CFAP46: variants seen among roughly 807,000 people sequenced by gnomAD.
The protein encoded by CFAP46 is cilia- and flagella-associated protein 46.
Under a neutral mutation model 325.7 loss-of-function variants are expected in CFAP46, and 245 were observed. The observed-to-expected ratio is 0.75, with a 90% confidence interval of 0.68 to 0.84. CFAP46 has a LOEUF of 0.84. Among genes scored for constraint, CFAP46 ranks in the 40% least tolerant of loss-of-function variants. CFAP46 has a pLI of 0.00. For missense variants in CFAP46, 3,346 were observed against 3,543.0 expected, an observed-to-expected ratio of 0.94 and a Z score of 1.41; for synonymous variants, 1,523 against 1,495.9, an observed-to-expected ratio of 1.02 and a Z score of -0.42.
intron 19 of CFAP46, 124 bp downstream of exon 19, chr10:132,912,531 C>G: frequency 1.3e-6 from 1 of 771,352 alleles, no homozygotes. Flanking sequence ...CTCTTCACCT[C>G]TCTCCTCTCC....
chr10:132,856,988 G>A (rs933091340), intron 39 of CFAP46, among the ~76,000 whole-genome samples: 4 of 152,138 alleles, frequency 2.6e-5, no homozygotes, highest in Admixed American at 2.6e-4. Flanking sequence ...TCTGGAGCGG[G>A]GCTCACCCAG....
chr10:132,887,696 C>T (rs1849177181), intron 25 of CFAP46, among the ~76,000 whole-genome samples: 1 of 125,200 alleles, frequency 8.0e-6, no homozygotes, highest in African/African-American at 3.3e-5. Context: ...TCTCTCTCTC[C>T]TCTCCTCTCT....
At position 132,886,003 on chromosome 10, in the gene CFAP46, T is replaced by A. The variant is rs1279488405; in HGVS notation, c.3305-44A>T. On this transcript the variant is annotated intron_variant, in intron 25 of 57. Transcript: ENST00000368586. The surrounding 1 kb of genome is among the most constrained non-coding windows in gnomAD (Gnocchi z 5.8). ...GGTGTCCTTGGAGCCGCCTGATCCC[T>A]CATCAAAGGCGCCCTCGGACCTCCC... 1 of 1,540,642 alleles carries A rather than the reference T, an allele frequency of 6.5e-7. No homozygotes were observed. Among genetic ancestry groups the A allele is most frequent in the East Asian group, 2.5e-5 (1 of 40,574 alleles).
intron 31 of CFAP46, among the ~76,000 whole-genome samples, chr10:132,873,314 T>G (rs552438859): frequency 1.1e-4 from 16 of 152,314 alleles, no homozygotes; most frequent in South Asian, 4.1e-4. Context: ...AATGTACTTC[T>G]AAGAACTGGA....
chr10:132,892,201 A>T, intron 25 of CFAP46, 132 bp downstream of exon 25: 1 of 740,658 alleles, frequency 1.4e-6, no homozygotes, highest in Non-Finnish European at 2.2e-6. Context: ...CTGAACAGAC[A>T]TTATCTGGAG....
intron 35 of CFAP46, among the ~76,000 whole-genome samples, chr10:132,862,968 C>T (rs185925231): frequency 1.5e-4 from 23 of 152,126 alleles, no homozygotes; most frequent in African/African-American, 5.3e-4. Context: ...GGCAAGAGGG[C>T]GGGAAAGATC....
At chr10:132,825,275 G>C (rs887309111) in intron 50 of CFAP46, among the ~76,000 whole-genome samples, 4 of 147,486 alleles carry the variant, frequency 2.7e-5, no homozygotes, top group African/African-American at 5.3e-5. Context: ...GATGTGTGCT[G>C]TGTGTGTGCT....
chr10:132,916,534 G>A lies in CFAP46; in HGVS notation c.2120+15C>T. On this transcript the variant is annotated intron_variant, in intron 17 of 57. Transcript: ENST00000368586. ...GCCCCGGGCGGTGCTCAAGGCCACT[G>A]TCGCCTCTGCCCACCTGTATGTGAT... is the stretch of plus-strand genomic sequence containing the variant. 6.5e-7 allele frequency: 1 copy of A among 1,545,136 alleles called. No individual in the cohort carries two copies. The highest frequency in any genetic ancestry group is 8.7e-7 in the Non-Finnish European group (1 of 1,144,288).
chr10:132,864,638 C>CCCCG (rs1848784187), intron 35 of CFAP46, among the ~76,000 whole-genome samples: 1 of 145,754 alleles, frequency 6.9e-6, no homozygotes, highest in East Asian at 2.3e-4. Context: ...ACACCTGTCC[C>CCCCG]CCTGCCTGAG....
In CFAP46 at chr10:132,924,540, C is replaced by T. The variant is rs998962230; in HGVS notation, c.1256+156G>A. Among the ~76,000 whole-genome samples, 6 of 152,230 alleles carry T rather than the reference C, an allele frequency of 3.9e-5. No homozygotes were observed. In the East Asian group the frequency reaches 9.6e-4, roughly 24 times the overall value. Reference sequence around the variant, plus strand: ...CACAGAGGACCCGACGTGCCTGGCCCGGAGCTGGGACAGAGGGTGGCCCTT... The same window carrying T: ...CACAGAGGACCCGACGTGCCTGGCCTGGAGCTGGGACAGAGGGTGGCCCTT... On this transcript the variant is annotated intron_variant, in intron 11 of 57. Transcript: ENST00000368586.
Position 132,822,805 on chromosome 10 carries a change from A to G in CFAP46, c.7118-7891T>C, listed in dbSNP as rs1473198441. Among the ~76,000 whole-genome samples the G allele has an allele frequency of 1.3e-4, 12 of 91,424 alleles. No homozygotes were observed. The South Asian group carries it at 1.4e-3, about 11-fold the overall frequency. 60.0% of individuals were successfully genotyped at this position (91,424 alleles called of 152,430 possible). Reference sequence around the variant, plus strand: ...ACTTGTGTGTGCTGTGTGTGTGCTGATGTGTGCTGTGTGCTGTGTGTGCTG... The same window carrying G: ...ACTTGTGTGTGCTGTGTGTGTGCTGGTGTGTGCTGTGTGCTGTGTGTGCTG... On this transcript the variant is annotated intron_variant, in intron 50 of 57. Coordinates refer to ENST00000368586, the MANE Select transcript of CFAP46 (RefSeq NM_001200049.3).
chr10:132,899,257 G>A (rs1259537057), intron 23 of CFAP46, 136 bp from the exon 24 acceptor site: 9 of 1,066,952 alleles, frequency 8.4e-6, no homozygotes, highest in Non-Finnish European at 1.1e-5. Context: ...GCTTGCTCAG[G>A]AGTCCCTGCT....
chr10:132,937,859 G>A, intron 5 of CFAP46, among the ~76,000 whole-genome samples, 184 bp from the exon 6 acceptor site: 1 of 152,230 alleles, frequency 6.6e-6, no homozygotes, highest in East Asian at 1.9e-4. Flanking sequence ...GTGCCAGACA[G>A]CTCGTTACCG....
At chr10:132,836,531 G>A (rs556870785) in intron 45 of CFAP46, among the ~76,000 whole-genome samples, 2 of 152,342 alleles carry the variant, frequency 1.3e-5, no homozygotes, top group South Asian at 2.1e-4. Context: ...TCCTGCTCTC[G>A]GCTCCACCAT....
rs1401402524 is a variant in CFAP46, at chr10:132,923,306, T to TTGAG, written c.1257-599_1257-598insCTCA. On this transcript the variant is annotated intron_variant, in intron 11 of 57. Transcript: ENST00000368586. ...TGGGGGTGCCCTGGAACCCCTGGCC[T>TTGAG]CGAGCAGCCATGTGGGGGTGCCCTG... is the stretch of plus-strand genomic sequence containing the variant. Among the ~76,000 whole-genome samples the TTGAG allele has an allele frequency of 1.8e-3, 237 of 135,212 alleles. 14 individuals carry two copies. The highest frequency in any genetic ancestry group is 3.7e-3 in the Admixed American group (50 of 13,496). The allele number at this position is 135,212 out of a possible 152,430, so 88.7% of individuals were successfully genotyped here.
At chr10:132,831,204 T>C (rs967446775) in intron 50 of CFAP46, among the ~76,000 whole-genome samples, 2 of 133,658 alleles carry the variant, frequency 1.5e-5, no homozygotes, top group African/African-American at 3.0e-5. Context: ...ACTTAGGGTA[T>C]ATCTTGTCAA....
At chr10:132,937,392 G>C (rs1408382148) in intron 6 of CFAP46, 160 bp downstream of exon 6, 2 of 791,928 alleles carry the variant, frequency 2.5e-6, no homozygotes, top group Non-Finnish European at 4.0e-6. Context: ...TGGATGAACT[G>C]CTATTTCTTT....
At chr10:132,831,218 T>TTGTGTGTGTGTGTGTG (rs1318591175) in intron 50 of CFAP46, among the ~76,000 whole-genome samples, 1 of 54,804 alleles carries the variant, frequency 1.8e-5, no homozygotes, top group Non-Finnish European at 3.1e-5. Flanking sequence ...TTGTCAAATG[T>TTGTGTGTGTGTGTGTG]TCTGTGTGTG....
intron 32 of CFAP46, among the ~76,000 whole-genome samples, chr10:132,870,009 C>T (rs1245906693): frequency 6.6e-6 from 1 of 152,218 alleles, no homozygotes; most frequent in Non-Finnish European, 1.5e-5. Flanking sequence ...TCCATCGGCG[C>T]CATTTTCCCA....
Sources: gnomAD v4.1 joint callset for allele counts (sites outside exome capture counted in the v4.1 genomes callset) on GRCh38, gnomAD v4.1.1 for gene constraint, Gnocchi (gnomAD v3.1) non-coding constraint, MANE v1.5 for transcripts, NCBI Gene and HGNC (gene_info 2026-07-23, HGNC 2026-07-21) for gene names.